Variants in PAG1 observed in about 807,000 individuals in gnomAD.
The protein encoded by PAG1 is phosphoprotein membrane anchor with glycosphingolipid microdomains 1.
A neutral mutation model predicts 31.7 loss-of-function variants in PAG1; 23 were observed. The observed-to-expected ratio is 0.73, with a 90% CI of 0.52 to 1.03. The LOEUF is 1.03. PAG1 is among the 50% of genes least tolerant of loss of function. The pLI is 0.00. For synonymous variants in PAG1, 214 were observed against 210.3 expected (o/e 1.02, Z -0.15); for missense variants, 473 against 540.7 (o/e 0.87, Z 1.24).
At chr8:81,082,029 G>C (rs1473414009) in intron 1 of PAG1, among the ~76,000 whole-genome samples, 4 of 152,004 alleles carry the variant, frequency 2.6e-5, no homozygotes, top group Non-Finnish European at 1.5e-5. Context: ...GAGGCAGGCA[G>C]AACACCTGAG....
chr8:81,010,738 C>T (rs1807966811), intron 3 of PAG1, among the ~76,000 whole-genome samples: 1 of 152,208 alleles, frequency 6.6e-6, no homozygotes, highest in African/African-American at 2.4e-5. Flanking sequence ...TTGTTCAGCT[C>T]AGTTTGACCA....
At chr8:81,015,479 A>G (rs1808056724) in intron 3 of PAG1, among the ~76,000 whole-genome samples, 1 of 152,218 alleles carries the variant, frequency 6.6e-6, no homozygotes, top group Admixed American at 6.5e-5. Flanking sequence ...AGTGAGCTTT[A>G]CCCACTTACA....
chr8:81,101,023 C>A (rs1431744575), intron 1 of PAG1, among the ~76,000 whole-genome samples: 2 of 152,164 alleles, frequency 1.3e-5, no homozygotes, highest in African/African-American at 4.8e-5. Context: ...AAGGAAAGAT[C>A]TATAATTCAG....
rs185466732 is a variant in PAG1 at position 80,991,450 on chromosome 8, A to C, written c.177+29T>G. ...CTGATGTTCTGGAGCACGCACGGAC[A>C]GACAGGCAGACGACACGCGCAGGCT... On this transcript the variant is annotated intron_variant, in intron 5 of 8. Transcript: ENST00000220597. 5.7e-4 allele frequency: 904 copies of C among 1,584,000 alleles called. 4 individuals carry two copies. The African/African-American group carries it at 7.6e-3, about 13-fold the overall frequency.
chr8:81,067,952 T>TG (rs907311521), intron 2 of PAG1, among the ~76,000 whole-genome samples: 18 of 152,154 alleles, frequency 1.2e-4, no homozygotes, highest in Non-Finnish European at 1.8e-4. Flanking sequence ...TTCTCTTTTT[T>TG]GGGGGGCAAT....
chr8:80,998,216 G>A (rs1001608618), intron 3 of PAG1, among the ~76,000 whole-genome samples: 6 of 145,330 alleles, frequency 4.1e-5, no homozygotes, highest in South Asian at 2.1e-4. Context: ...TGCAACCTTC[G>A]CTTCCTGGGT....
At chr8:80,996,585 C>T (rs540738615) in intron 3 of PAG1, among the ~76,000 whole-genome samples, 5 of 152,260 alleles carry the variant, frequency 3.3e-5, no homozygotes, top group South Asian at 2.1e-4. Flanking sequence ...AAATGTGTGT[C>T]GGTGGACCGG....
intron 3 of PAG1, among the ~76,000 whole-genome samples, chr8:81,013,398 C>A (rs889253916): frequency 6.6e-6 from 1 of 152,144 alleles, no homozygotes; most frequent in East Asian, 1.9e-4. Flanking sequence ...GTCCCCCAGG[C>A]CCTCGGCCTC....
At position 81,109,454 on chromosome 8, in the gene PAG1, C is replaced by T. The variant is rs1809741300; in HGVS notation, c.-234+2137G>A. 5.3e-5 allele frequency among the ~76,000 whole-genome samples: 8 copies of T among 152,200 alleles called. 1 individual carries two copies. ...CATCTCTAAAGTAGAGATGAAGCCA[C>T]TTACCTCAAAGGACTGTGGTGGGGA... On this transcript the variant is annotated intron_variant, in intron 1 of 8. Coordinates refer to ENST00000220597, the MANE Select transcript of PAG1 (RefSeq NM_018440.4).
At chr8:81,058,904 A>G (rs1395336727) in intron 2 of PAG1, among the ~76,000 whole-genome samples, 2 of 152,200 alleles carry the variant, frequency 1.3e-5, no homozygotes, top group Non-Finnish European at 2.9e-5. Flanking sequence ...CTCAAAAAAT[A>G]AAATGGATCT....
At position 81,012,697 on chromosome 8, in the gene PAG1, C is replaced by T. The variant is rs192660305; in HGVS notation, c.-81+17299G>A. Among the ~76,000 whole-genome samples, 316 of 152,108 alleles carry T rather than the reference C, an allele frequency of 2.1e-3. 1 individual carries two copies. The highest frequency in any genetic ancestry group is 3.8e-3 in the Non-Finnish European group (255 of 67,986). On this transcript the variant is annotated intron_variant, in intron 3 of 8. Transcript: ENST00000220597. ...CTAAAATAAAGAAATAATCAGATAC[C>T]AGCTGTCCATTTGAATATATTATAT...
chr8:80,991,409 A>T (rs1807543914), intron 5 of PAG1, 70 bp downstream of exon 5: 1 of 1,202,414 alleles, frequency 8.3e-7, no homozygotes, highest in Non-Finnish European at 1.2e-6. Flanking sequence ...ACATGGGAGC[A>T]CACTTAGATA....
chr8:81,048,194 C>T (rs960267673), intron 2 of PAG1, among the ~76,000 whole-genome samples: 2 of 152,150 alleles, frequency 1.3e-5, no homozygotes, highest in Admixed American at 6.6e-5. Flanking sequence ...CCTGACTGTC[C>T]TTTTTAGCAA....
chr8:81,027,806 G>C (rs1426891067), intron 3 of PAG1, among the ~76,000 whole-genome samples: 2 of 151,228 alleles, frequency 1.3e-5, no homozygotes. Flanking sequence ...TCGGCAGGCT[G>C]AGGCAGGAGA....
intron 7 of PAG1, among the ~76,000 whole-genome samples, chr8:80,982,802 T>A (rs1348324829): frequency 6.6e-6 from 1 of 152,214 alleles, no homozygotes; most frequent in African/African-American, 2.4e-5. Flanking sequence ...GCCTCTTCTT[T>A]ATCTCACTAA....
At chr8:81,105,589 GTATTGTGT>G (rs974827287) in intron 1 of PAG1, among the ~76,000 whole-genome samples, 6 of 152,300 alleles carry the variant, frequency 3.9e-5, no homozygotes, top group African/African-American at 1.2e-4. Context: ...AAGAAAAAAA[GTATTGTGT>G]TATGTGTTTT....
At chr8:81,087,727 G>A (rs1240129647) in intron 1 of PAG1, among the ~76,000 whole-genome samples, 1 of 152,208 alleles carries the variant, frequency 6.6e-6, no homozygotes, top group African/African-American at 2.4e-5. Context: ...ATGTTTCGGG[G>A]ATAAGCGCAT....
At chr8:81,087,962 G>A (rs4739613) in intron 1 of PAG1, among the ~76,000 whole-genome samples, 87,609 of 152,028 alleles carry the variant, frequency 0.58, 25,611 homozygotes, top group East Asian at 0.66. Context: ...TCAGTGGGGG[G>A]AAAAAATACT....
intron 2 of PAG1, among the ~76,000 whole-genome samples, chr8:81,042,330 G>A (rs543194856): frequency 1.9e-4 from 29 of 152,270 alleles, no homozygotes; most frequent in African/African-American, 6.5e-4. Flanking sequence ...ACGAGATAAT[G>A]CTGTGAAAGC....
Sources: allele counts gnomAD v4.1 joint callset (sites outside exome capture counted in the v4.1 genomes callset), GRCh38; gene constraint gnomAD v4.1.1; transcripts MANE v1.5; gene names NCBI Gene and HGNC (gene_info 2026-07-23, HGNC 2026-07-21).